Variants in COL19A1 observed in about 807,000 individuals in gnomAD.
COL19A1 encodes the protein collagen alpha-1(XIX) chain.
Under a neutral mutation model 190.2 loss-of-function variants are expected in COL19A1, and 159 were observed. The observed-to-expected ratio is 0.84, with a 90% CI of 0.73 to 0.95. The LOEUF is 0.95. Ranked by LOEUF, COL19A1 falls within the 40% of genes least tolerant of loss-of-function variation. The pLI, the probability that COL19A1 is intolerant of heterozygous loss-of-function variation, is 0.00. For synonymous variants in COL19A1, 509 were observed against 458.9 expected (o/e 1.11, Z -1.39); for missense variants, 1,418 against 1,431.9 (o/e 0.99, Z 0.16).
intron 30 of COL19A1, 95 bp downstream of exon 30, chr6:70,150,140 A>C: frequency 5.7e-6 from 7 of 1,222,336 alleles, no homozygotes; most frequent in South Asian, 1.2e-5. Context: ...ACTAATTAGA[A>C]TGCTCGGTGA....
At chr6:70,124,450 A>T (rs926261224) in intron 17 of COL19A1, among the ~76,000 whole-genome samples, 21 of 152,172 alleles carry the variant, frequency 1.4e-4, no homozygotes, top group African/African-American at 5.1e-4. Flanking sequence ...TATACAGTTT[A>T]TCTTGCTGAT....
At chr6:70,201,042 C>T (rs904817863) in intron 49 of COL19A1, among the ~76,000 whole-genome samples, 6 of 152,028 alleles carry the variant, frequency 3.9e-5, no homozygotes, top group African/African-American at 1.2e-4. Flanking sequence ...TATTATCTTT[C>T]GCTGGTTGGG....
intron 17 of COL19A1, among the ~76,000 whole-genome samples, chr6:70,128,617 T>C (rs1268265174): frequency 6.6e-6 from 1 of 152,208 alleles, no homozygotes; most frequent in Non-Finnish European, 1.5e-5. Flanking sequence ...GTTACATAAG[T>C]GGTGTCAAAT....
chr6:69,892,448 A>T (rs1695006675), intron 2 of COL19A1, among the ~76,000 whole-genome samples: 1 of 152,248 alleles, frequency 6.6e-6, no homozygotes, highest in African/African-American at 2.4e-5. Flanking sequence ...ATTAAAAAAC[A>T]AATCATCATA....
chr6:69,912,304 G>T (rs1311066397), intron 4 of COL19A1, among the ~76,000 whole-genome samples: 1 of 151,826 alleles, frequency 6.6e-6, no homozygotes, highest in African/African-American at 2.4e-5. Context: ...ATGTTCTCAG[G>T]CCTCGTTAAT....
chr6:70,026,659 T>C (rs550270046), intron 12 of COL19A1, among the ~76,000 whole-genome samples: 8 of 152,286 alleles, frequency 5.3e-5, no homozygotes, highest in Non-Finnish European at 7.4e-5. Context: ...AAGAATCAGC[T>C]GCTTGGTTAT....
intron 1 of COL19A1, among the ~76,000 whole-genome samples, chr6:69,877,391 A>T (rs1768192814): frequency 6.6e-6 from 1 of 152,212 alleles, no homozygotes; most frequent in Non-Finnish European, 1.5e-5. Context: ...ATTCAGAAAG[A>T]CAATTATTGG....
intron 11 of COL19A1, among the ~76,000 whole-genome samples, chr6:69,983,754 T>C (rs1776171552): frequency 6.6e-6 from 1 of 152,132 alleles, no homozygotes; most frequent in African/African-American, 2.4e-5. Context: ...TGGTGAATTA[T>C]AATGATTGAT....
chr6:70,052,186 C>A (rs1780244354), intron 14 of COL19A1, among the ~76,000 whole-genome samples: 1 of 152,112 alleles, frequency 6.6e-6, no homozygotes, highest in South Asian at 2.1e-4. Flanking sequence ...GTGTACTAAA[C>A]CAAGTAGTCT....
intron 18 of COL19A1, among the ~76,000 whole-genome samples, chr6:70,136,859 C>G (rs1785904602): frequency 6.6e-6 from 1 of 151,754 alleles, no homozygotes. Context: ...TAATGGTGAA[C>G]ATCATTTTGC....
chr6:70,034,997 A>T (rs1022674369), intron 13 of COL19A1, among the ~76,000 whole-genome samples: 1 of 152,196 alleles, frequency 6.6e-6, no homozygotes, highest in Non-Finnish European at 1.5e-5. Context: ...ACTGTTGGCT[A>T]TTTTAATTCA....
chr6:70,167,038 T>G (rs1282287291), intron 37 of COL19A1, among the ~76,000 whole-genome samples: 1 of 152,204 alleles, frequency 6.6e-6, no homozygotes, highest in Non-Finnish European at 1.5e-5. Context: ...CCTTTGGAAA[T>G]CTCAGATGAA....
intron 18 of COL19A1, among the ~76,000 whole-genome samples, chr6:70,134,188 A>G (rs943453091): frequency 1.2e-4 from 18 of 152,348 alleles, no homozygotes; most frequent in Middle Eastern, 3.4e-3. Flanking sequence ...CCTAATGCCT[A>G]TACAAGTCTA....
chr6:70,102,315 G>T, intron 16 of COL19A1, 93 bp downstream of exon 16: 1 of 938,332 alleles, frequency 1.1e-6, no homozygotes, highest in Non-Finnish European at 1.7e-6. Flanking sequence ...TGTAGATAAT[G>T]ATTTCCTTTA....
At chr6:69,983,161 A>G (rs1054517070) in intron 11 of COL19A1, among the ~76,000 whole-genome samples, 8 of 151,956 alleles carry the variant, frequency 5.3e-5, no homozygotes, top group African/African-American at 1.9e-4. Context: ...TCCATAATAT[A>G]TCTATTTATT....
intron 16 of COL19A1, among the ~76,000 whole-genome samples, chr6:70,112,964 A>G (rs760276119): frequency 2.0e-5 from 3 of 152,234 alleles, no homozygotes; most frequent in South Asian, 2.1e-4. Context: ...AAAAATGTCC[A>G]AAGTGGCAGA....
intron 14 of COL19A1, among the ~76,000 whole-genome samples, chr6:70,043,622 C>T (rs928036449): frequency 6.6e-6 from 1 of 152,194 alleles, no homozygotes; most frequent in African/African-American, 2.4e-5. Context: ...CATCAGAGCC[C>T]TTGGGTTACC....
Position 70,161,944 on chromosome 6 carries a change from T to C in COL19A1, c.2337T>C (p.Thr779=). The change falls in exon 35 of 51, where the codon ACT becomes ACC. Residue 779 remains threonine, a synonymous_variant. Coordinates refer to ENST00000620364, the MANE Select transcript of COL19A1 (RefSeq NM_001858.6). ...GCATTCCAGGTGCTCCAGGCCCGACTGGACCCCCTGTAAGTATTTGTTAAA... is the reference window on the plus strand; with the variant it reads ...GCATTCCAGGTGCTCCAGGCCCGACCGGACCCCCTGTAAGTATTTGTTAAA... ...IPGIPGAPGP[T]GPPGLMGRTG... is the part of the protein sequence containing the mutation. The C allele has an allele frequency of 6.2e-7, 1 of 1,604,386 alleles. No individual in the cohort carries two copies. Among genetic ancestry groups the C allele is most frequent in the Non-Finnish European group, 8.5e-7 (1 of 1,175,632 alleles).
intron 11 of COL19A1, among the ~76,000 whole-genome samples, chr6:69,965,933 A>G (rs1412135397): frequency 3.3e-5 from 5 of 152,096 alleles, no homozygotes; most frequent in African/African-American, 4.8e-5. Context: ...TCTATATAGG[A>G]GTAGTCTTCT....
Sources: allele counts gnomAD v4.1 joint callset (sites outside exome capture counted in the v4.1 genomes callset), GRCh38; gene constraint gnomAD v4.1.1; transcripts MANE v1.5; gene names NCBI Gene and HGNC (gene_info 2026-07-23, HGNC 2026-07-21).